Variants in ZNF521 observed in about 807,000 individuals in gnomAD.
The protein encoded by ZNF521 is LYST-interacting protein 3.
In ZNF521, 14 loss-of-function variants were observed where a neutral mutation model predicts 105.5. The observed-to-expected ratio is 0.13, with a 90% confidence interval of 0.09 to 0.21. The LOEUF is 0.21. Among genes scored for constraint, ZNF521 ranks in the 10% least tolerant of loss-of-function variants. The probability of loss-of-function intolerance (pLI) is 1.00; values close to 1 mark genes in which losing one functional copy is unlikely to be tolerated. For synonymous variants in ZNF521, 635 were observed against 606.0 expected, an observed-to-expected ratio of 1.05 and a Z score of -0.70; for missense variants, 1,233 against 1,629.7, an observed-to-expected ratio of 0.76 and a Z score of 4.19.
chr18:25,206,209 T>C (rs1242348405), intron 4 of ZNF521, among the ~76,000 whole-genome samples: 2 of 152,234 alleles, frequency 1.3e-5, no homozygotes, highest in Admixed American at 6.5e-5. Flanking sequence ...GGTTTTGCTA[T>C]GTTGGCCAGG....
rs371365208 is a variant in ZNF521 at position 25,138,881 on chromosome 18, C to A, written c.3659-46800G>T. Among the ~76,000 whole-genome samples, 27 of 152,280 alleles carry A rather than the reference C, an allele frequency of 1.8e-4. No individual in the cohort carries two copies. The East Asian group carries it at 3.9e-3, about 22-fold the overall frequency. ...CTCTACCCACGAACACTGCCTTACT[C>A]ATTCAACAGGCCACAGGGCACTGGA... On this transcript the variant is annotated intron_variant, in intron 5 of 7. Coordinates refer to ENST00000361524, the MANE Select transcript of ZNF521 (RefSeq NM_015461.3).
intron 4 of ZNF521, among the ~76,000 whole-genome samples, chr18:25,205,362 A>C (rs1478392836): frequency 6.6e-6 from 1 of 152,148 alleles, no homozygotes; most frequent in African/African-American, 2.4e-5. Flanking sequence ...TGAAGGTGGG[A>C]AAATATGGGT....
chr18:25,218,804 C>T (rs1026688837), intron 4 of ZNF521, among the ~76,000 whole-genome samples: 11 of 151,996 alleles, frequency 7.2e-5, no homozygotes, highest in Admixed American at 6.6e-5. Context: ...GCCGAGATCA[C>T]GCCATTGCAC....
intron 5 of ZNF521, among the ~76,000 whole-genome samples, chr18:25,116,898 T>TATATACGTATATATACACATAC (rs1376816400): frequency 1.9e-5 from 1 of 51,352 alleles, no homozygotes; most frequent in Non-Finnish European, 6.7e-5. Context: ...CGTATATATA[T>TATATACGTATATATACACATAC]ATGTGTATAT....
chr18:25,280,546 A>G (rs1465452717), intron 3 of ZNF521, among the ~76,000 whole-genome samples: 1 of 152,082 alleles, frequency 6.6e-6, no homozygotes, highest in Non-Finnish European at 1.5e-5. Flanking sequence ...AGACACACAC[A>G]CAAGTCAGAC....
chr18:25,263,462 A>C (rs1454330432), intron 3 of ZNF521, among the ~76,000 whole-genome samples: 5 of 151,722 alleles, frequency 3.3e-5, no homozygotes, highest in Non-Finnish European at 7.4e-5. Flanking sequence ...GGTTCAAGGG[A>C]TTTTCCTGCC....
rs367884999 is a variant in ZNF521 at position 25,258,320 on chromosome 18, C to G, written c.221-30623G>C. ...CTTAGAATATGCCCATAGACTATTA[C>G]AAAATGTACAGCTTGCCCAACATGA... On this transcript the variant is annotated intron_variant, in intron 3 of 7. Transcript: ENST00000361524. 1.3e-4 allele frequency among the ~76,000 whole-genome samples: 20 copies of G among 152,230 alleles called. 1 individual carries two copies. Among genetic ancestry groups the G allele is most frequent in the East Asian group, 1.2e-3 (6 of 5,172 alleles).
At chr18:25,281,504 A>G (rs1266105785) in intron 3 of ZNF521, among the ~76,000 whole-genome samples, 2 of 152,174 alleles carry the variant, frequency 1.3e-5, no homozygotes, top group Non-Finnish European at 2.9e-5. Context: ...AAGTTTAAGA[A>G]TGACTTACTC....
In ZNF521 at chr18:25,062,190, T is replaced by C. The variant is rs763258835; in HGVS notation, c.*522A>G. On this transcript the variant is annotated 3_prime_UTR_variant, in exon 8 of 8. Coordinates refer to ENST00000361524, the MANE Select transcript of ZNF521 (RefSeq NM_015461.3). ...ACATTGCAAGGCTTACAAATATATATATACGGGCCTTATCCAGCTGTGGGG... is the reference window on the plus strand; with the variant it reads ...ACATTGCAAGGCTTACAAATATATACATACGGGCCTTATCCAGCTGTGGGG... 90 of 203,998 alleles carry C rather than the reference T, an allele frequency of 4.4e-4. No individual in the cohort carries two copies. The highest frequency in any genetic ancestry group is 6.9e-4 in the Non-Finnish European group (69 of 99,902). The allele number at this position is 203,998 out of a possible 1,614,324, so 12.6% of individuals were successfully genotyped here. A position where few individuals can be genotyped will look rare whatever the true frequency, so the allele number is the denominator to read the frequency against.
chr18:25,315,883 C>T (rs1380668700), intron 3 of ZNF521: 1 of 152,230 alleles, frequency 6.6e-6, no homozygotes, highest in Non-Finnish European at 1.5e-5. Context: ...GTTTCTATGG[C>T]TCTCTCATAA....
intron 2 of ZNF521, among the ~76,000 whole-genome samples, chr18:25,341,707 T>C (rs1383983890): frequency 3.9e-5 from 6 of 152,330 alleles, no homozygotes; most frequent in Admixed American, 3.9e-4. Flanking sequence ...GTCTAACTGC[T>C]TCATCTGACC....
chr18:25,164,241 G>T (rs2144533369), intron 5 of ZNF521, among the ~76,000 whole-genome samples: 1 of 152,284 alleles, frequency 6.6e-6, no homozygotes, highest in Admixed American at 6.5e-5. Context: ...GCCTTGCAGG[G>T]CTGTCCCCGG....
At position 25,252,512 on chromosome 18, in the gene ZNF521, T is replaced by C. The variant is rs6508356; in HGVS notation, c.221-24815A>G. ...TCACGGAAAAATACAGAGGACTACA[T>C]TGCAACTTATTTACCTTTTTTTTTT... On this transcript the variant is annotated intron_variant, in intron 3 of 7. Transcript: ENST00000361524. Among the ~76,000 whole-genome samples the C allele has an allele frequency of 9.4e-3, 1,436 of 152,244 alleles. 26 individuals are homozygous for C. Among genetic ancestry groups the C allele is most frequent in the African/African-American group, 0.032 (1,340 of 41,550 alleles).
At chr18:25,180,290 A>T (rs551561561) in intron 5 of ZNF521, among the ~76,000 whole-genome samples, 1 of 152,336 alleles carries the variant, frequency 6.6e-6, no homozygotes, top group Admixed American at 6.5e-5. Flanking sequence ...TGGACATAGA[A>T]TGCAATATTA....
intron 3 of ZNF521, among the ~76,000 whole-genome samples, chr18:25,309,950 T>G (rs1912201521): frequency 6.6e-6 from 1 of 152,232 alleles, no homozygotes; most frequent in Non-Finnish European, 1.5e-5. Flanking sequence ...TTTAAATTTT[T>G]TTAACAATGA....
At chr18:25,085,655 G>GTA (rs2033605741) in intron 7 of ZNF521, among the ~76,000 whole-genome samples, 2 of 24,876 alleles carry the variant, frequency 8.0e-5, no homozygotes, top group South Asian at 1.1e-3. Flanking sequence ...ATATATATAT[G>GTA]TGTGTGTGTG....
intron 5 of ZNF521, among the ~76,000 whole-genome samples, chr18:25,166,311 G>A (rs2035340518): frequency 6.6e-6 from 1 of 152,098 alleles, no homozygotes; most frequent in Admixed American, 6.6e-5. Flanking sequence ...TAAACAGAAT[G>A]AATTGCTATC....
chr18:25,209,501 G>C (rs547926880), intron 4 of ZNF521, among the ~76,000 whole-genome samples: 2 of 152,262 alleles, frequency 1.3e-5, no homozygotes, highest in Admixed American at 1.3e-4. Flanking sequence ...TTTCCCCCCA[G>C]TATGTAAATA....
Position 25,227,307 on chromosome 18 carries a change from C to T in ZNF521, c.611G>A (p.Cys204Tyr). 6.2e-7 allele frequency: 1 copy of T among 1,614,162 alleles called. No individual in the cohort carries two copies. Among genetic ancestry groups the T allele is most frequent in the Non-Finnish European group, 8.5e-7 (1 of 1,180,026 alleles). Residue 204 changes from cysteine to tyrosine, a missense_variant, in exon 4 of 8, where the codon TGT becomes TAT. By Grantham distance (194) the Cys-to-Tyr change is radical. Coordinates refer to ENST00000361524, the MANE Select transcript of ZNF521 (RefSeq NM_015461.3). The surrounding 1 kb of genome is among the most constrained non-coding windows in gnomAD (Gnocchi z 5.7). ...CAGAAACCCACGGCGACAAATGGCACATTTATATGGCTTGTTGGACGTGTG... is the reference window on the plus strand; with the variant it reads ...CAGAAACCCACGGCGACAAATGGCATATTTATATGGCTTGTTGGACGTGTG... ...KTHTSNKPYKCAICRRGFLSS... is the reference protein window; with the variant it reads ...KTHTSNKPYKYAICRRGFLSS...
Sources: gnomAD v4.1 joint callset for allele counts (sites outside exome capture counted in the v4.1 genomes callset) on GRCh38, gnomAD v4.1.1 for gene constraint, Gnocchi (gnomAD v3.1) non-coding constraint, MANE v1.5 for transcripts, NCBI Gene and HGNC (gene_info 2026-07-23, HGNC 2026-07-21) for gene names.